PLCD4: variants seen among roughly 807,000 people sequenced by gnomAD.
The protein encoded by PLCD4 is phospholipase C delta 4.
In PLCD4, 63 loss-of-function variants were observed where a neutral mutation model predicts 90.2. The observed-to-expected ratio is 0.70, with a 90% CI of 0.57 to 0.86. The LOEUF (loss-of-function observed/expected upper bound fraction) is 0.86. PLCD4 is among the 40% of genes least tolerant of loss of function. PLCD4 has a pLI of 0.00. For synonymous variants in PLCD4, 294 were observed against 356.5 expected, an observed-to-expected ratio of 0.82 and a Z score of 1.97; for missense variants, 830 against 956.3, an observed-to-expected ratio of 0.87 and a Z score of 1.74.
At position 218,636,910 on chromosome 2, in the gene PLCD4, T is replaced by C. The variant is rs921137575; in HGVS notation, c.*333T>C. ...ACTAATCTTTCCCATCAACTCTGTG[T>C]GAAGGCAGGTTGCAACTAGAAATTC... On this transcript the variant is annotated 3_prime_UTR_variant, in exon 16 of 16. Coordinates refer to ENST00000450993, the MANE Select transcript of PLCD4 (RefSeq NM_032726.4). The C allele has an allele frequency of 2.1e-6, 1 of 467,800 alleles. No individual in the cohort carries two copies. The highest frequency in any genetic ancestry group is 6.7e-5 in the East Asian group (1 of 15,026). 29.0% of individuals were successfully genotyped at this position (467,800 alleles called of 1,614,324 possible).
Position 218,636,635 on chromosome 2 carries a change from G to A in PLCD4, c.*58G>A. On this transcript the variant is annotated 3_prime_UTR_variant, in exon 16 of 16. Transcript: ENST00000450993. ...GGCTTTAGACGGGGAGAAACATCTG[G>A]AAGGATGCTCGAGAGAACAAATGGA... 1.3e-6 allele frequency: 2 copies of A among 1,533,286 alleles called. No individual in the cohort carries two copies. Among genetic ancestry groups the A allele is most frequent in the Non-Finnish European group, 1.8e-6 (2 of 1,115,686 alleles). The allele number at this position is 1,533,286 out of a possible 1,614,324, so 95.0% of individuals were successfully genotyped here.
At chr2:218,612,430 C>T (rs1295366925) in intron 1 of PLCD4, among the ~76,000 whole-genome samples, 1 of 152,208 alleles carries the variant, frequency 6.6e-6, no homozygotes, top group Non-Finnish European at 1.5e-5. Context: ...CAGACTTCTT[C>T]TCAACCTTCC....
intron 3 of PLCD4, among the ~76,000 whole-genome samples, chr2:218,617,065 C>T (rs1695649621): frequency 7.1e-6 from 1 of 141,758 alleles, no homozygotes; most frequent in Admixed American, 7.0e-5. Context: ...TCCGGGTTCA[C>T]GCCATTCTCT....
chr2:218,621,373 C>T, intron 4 of PLCD4, 97 bp from the exon 5 acceptor site: 1 of 1,407,844 alleles, frequency 7.1e-7, no homozygotes, highest in Non-Finnish European at 9.9e-7. Context: ...GAGAGACTGG[C>T]AGGAAAGAGA....
intron 6 of PLCD4, among the ~76,000 whole-genome samples, chr2:218,624,920 GGCC>G (rs918498404): frequency 6.6e-6 from 1 of 151,648 alleles, no homozygotes; most frequent in Non-Finnish European, 1.5e-5. Context: ...AGAACAGCCT[GGCC>G]TACGTGGTGA....
In PLCD4 at chr2:218,616,960, A is replaced by AGAGAGAGAGAGAGAGAGAT. The variant is rs1695636453; in HGVS notation, c.181+916_181+917insTGAGAGAGAGAGAGAGAGA. 1.4e-4 allele frequency among the ~76,000 whole-genome samples: 13 copies of AGAGAGAGAGAGAGAGAGAT among 92,646 alleles called. 1 individual carries two copies. The highest frequency in any genetic ancestry group is 5.2e-4 in the African/African-American group (12 of 22,978). The allele number at this position is 92,646 out of a possible 152,430, so 60.8% of individuals were successfully genotyped here. On this transcript the variant is annotated intron_variant, in intron 3 of 15. Transcript: ENST00000450993. ...GAGAGAGAGAGAGAGAGAGAGAGAG[A>AGAGAGAGAGAGAGAGAGAT]GAGAGAGAGAGAGAGAGAGAGAGAG...
At chr2:218,623,386 C>A (rs1695967862) in intron 6 of PLCD4, among the ~76,000 whole-genome samples, 1 of 152,188 alleles carries the variant, frequency 6.6e-6, no homozygotes, top group Non-Finnish European at 1.5e-5. Flanking sequence ...GCCAGTTAGC[C>A]CCTGGCTGGG....
At chr2:218,615,227 A>AG (rs752035219) in intron 1 of PLCD4, among the ~76,000 whole-genome samples, 7 of 152,158 alleles carry the variant, frequency 4.6e-5, no homozygotes, top group Admixed American at 1.3e-4. Flanking sequence ...ATCAAAAAAA[A>AG]GAAAAAGAAA....
At chr2:218,635,247 A>G (rs1696655259) in intron 13 of PLCD4, among the ~76,000 whole-genome samples, 1 of 152,036 alleles carries the variant, frequency 6.6e-6, no homozygotes, top group African/African-American at 2.4e-5. Flanking sequence ...CAGCTTGGTC[A>G]AGAGTATGAT....
At chr2:218,622,951 C>A in intron 6 of PLCD4, 73 bp downstream of exon 6, 1 of 1,342,502 alleles carries the variant, frequency 7.4e-7, no homozygotes, top group Non-Finnish European at 1.0e-6. Flanking sequence ...GGTCCAGAGA[C>A]AAGCAGCCAT....
rs370200930 is a variant in PLCD4, at chr2:218,622,737, C to A, written c.631C>A (p.Leu211Met). The A allele has an allele frequency of 6.9e-5, 112 of 1,613,872 alleles. No homozygotes were observed. The highest frequency in any genetic ancestry group is 8.9e-5 in the Non-Finnish European group (105 of 1,179,904). The change falls in exon 6 of 16, where the codon CTG becomes ATG. Residue 211 changes from leucine to methionine, a missense_variant. Coordinates refer to ENST00000450993, the MANE Select transcript of PLCD4 (RefSeq NM_032726.4). Reference sequence around the variant, plus strand: ...GACTAAACGTGCTGAGGTGCAGGAACTGTTTGAAAGTTTTTCAGCTGATGG... The same window carrying A: ...GACTAAACGTGCTGAGGTGCAGGAAATGTTTGAAAGTTTTTCAGCTGATGG... ...ALTKRAEVQELFESFSADGQK... is the reference protein window; with the variant it reads ...ALTKRAEVQEMFESFSADGQK...
chr2:218,632,443 T>C, intron 10 of PLCD4, 131 bp downstream of exon 10: 2 of 888,872 alleles, frequency 2.3e-6, no homozygotes, highest in Non-Finnish European at 3.3e-6. Context: ...ATGAAGGAGA[T>C]TTAAGACCGC....
In PLCD4 at chr2:218,616,014, A is replaced by T. The variant is rs987310496; in HGVS notation, c.133A>T (p.Met45Leu). 1 of 1,614,046 alleles carries T rather than the reference A, an allele frequency of 6.2e-7. No individual in the cohort carries two copies. The highest frequency in any genetic ancestry group is 8.5e-7 in the Non-Finnish European group (1 of 1,179,890). Reference sequence around the variant, plus strand: ...ATACTTCAGACTTCAGAATGACGGCATGACAGTCTGGCATGCACGGCAGGC... The same window carrying T: ...ATACTTCAGACTTCAGAATGACGGCTTGACAGTCTGGCATGCACGGCAGGC... ...LRYFRLQNDG[M>L]TVWHARQARG... Residue 45 changes from methionine to leucine, a missense_variant, in exon 3 of 16, where the codon ATG becomes TTG. Met to Leu is a conservative substitution (Grantham distance 15, BLOSUM62 2). Coordinates refer to ENST00000450993, the MANE Select transcript of PLCD4 (RefSeq NM_032726.4).
rs1695574629 is a variant in PLCD4, at chr2:218,616,237, G to T, written c.181+175G>T. 2.0e-5 allele frequency among the ~76,000 whole-genome samples: 3 copies of T among 152,180 alleles called. No homozygotes were observed. In the South Asian group the frequency reaches 6.2e-4, roughly 32 times the overall value. On this transcript the variant is annotated intron_variant, in intron 3 of 15. Coordinates refer to ENST00000450993, the MANE Select transcript of PLCD4 (RefSeq NM_032726.4). Reference sequence around the variant, plus strand: ...TACTTGCCTCATAAGGCTGTTATGAGGATTAAATTAGTTATTGTATATAAA... The same window carrying T: ...TACTTGCCTCATAAGGCTGTTATGATGATTAAATTAGTTATTGTATATAAA...
At chr2:218,609,516 A>G (rs927847427) in intron 1 of PLCD4, 5 of 152,148 alleles carry the variant, frequency 3.3e-5, no homozygotes, top group African/African-American at 9.7e-5. Flanking sequence ...CTATGAGTTA[A>G]TATTTAAGAC....
In PLCD4 at chr2:218,622,691, C is replaced by T. The variant is rs199742356; in HGVS notation, c.585C>T (p.Phe195=). 21 of 1,613,922 alleles carry T rather than the reference C, an allele frequency of 1.3e-5. No homozygotes were observed. Among genetic ancestry groups the T allele is most frequent in the African/African-American group, 4.0e-5 (3 of 75,024 alleles). The change falls in exon 6 of 16, where the codon TTC becomes TTT. Residue 195 remains phenylalanine (F), a synonymous_variant. Coordinates refer to ENST00000450993, the MANE Select transcript of PLCD4 (RefSeq NM_032726.4). ...CTGGAACCCTGGAAGGAGAAGAATT[C>T]GTACAGTTCTATAAGGCATTGACTA... ...SQSGTLEGEE[F]VQFYKALTKR...
chr2:218,634,345 G>C lies in PLCD4; in HGVS notation c.1724-113G>C. 1 of 1,572,576 alleles carries C rather than the reference G, an allele frequency of 6.4e-7. No individual in the cohort carries two copies. The highest frequency in any genetic ancestry group is 8.6e-7 in the Non-Finnish European group (1 of 1,156,702). ...TGCTAGGCTGAGAAATGCTATCAGT[G>C]GATATTACCAGCAGGTACCGTGCAC... On this transcript the variant is annotated intron_variant, in intron 12 of 15. Transcript: ENST00000450993. The surrounding 1 kb of genome is among the most constrained non-coding windows in gnomAD (Gnocchi z 4.0).
chr2:218,627,321 TAG>T (rs1696160265), intron 6 of PLCD4, among the ~76,000 whole-genome samples: 1 of 151,810 alleles, frequency 6.6e-6, no homozygotes, highest in Non-Finnish European at 1.5e-5. Flanking sequence ...ATTTAAAACT[TAG>T]TTCTTCAGTT....
rs761400136 is a variant in PLCD4, at chr2:218,629,931, A to G, written c.1119+268A>G. 7.9e-5 allele frequency among the ~76,000 whole-genome samples: 12 copies of G among 152,286 alleles called. No individual in the cohort carries two copies. The South Asian group carries it at 2.5e-3, about 32-fold the overall frequency. ...GGTGGCTCATGCCTGTAATCCCAGC[A>G]CTCTGGGAGGCCGAGGCGGGTGGAT... On this transcript the variant is annotated intron_variant, in intron 8 of 15. Transcript: ENST00000450993.
Sources: gnomAD v4.1 joint callset for allele counts (sites outside exome capture counted in the v4.1 genomes callset) on GRCh38, gnomAD v4.1.1 for gene constraint, Gnocchi (gnomAD v3.1) non-coding constraint, MANE v1.5 for transcripts, NCBI Gene and HGNC (gene_info 2026-07-23, HGNC 2026-07-21) for gene names.